The following SPEF2 variants were observed in gnomAD, a reference collection of about 807,000 sequenced individuals.
The protein encoded by SPEF2 is sperm flagella and cilia-associated protein 2.
SPEF2 carries 187 observed loss-of-function variants against 224.6 expected under a neutral mutation model. The observed-to-expected ratio is 0.83, with a 90% CI of 0.74 to 0.94. The LOEUF (loss-of-function observed/expected upper bound fraction) is 0.94, where lower values mean the gene tolerates loss of function less well. Ranked by LOEUF, SPEF2 falls within the 40% of genes least tolerant of loss-of-function variation. The probability of loss-of-function intolerance (pLI) is 0.00; values close to 1 mark genes in which losing one functional copy is unlikely to be tolerated. For synonymous variants in SPEF2, 715 were observed against 707.3 expected, an observed-to-expected ratio of 1.01 and a Z score of -0.17; for missense variants, 2,170 against 2,135.6, an observed-to-expected ratio of 1.02 and a Z score of -0.32.
At chr5:35,797,530 C>A (rs112462989) in intron 33 of SPEF2, among the ~76,000 whole-genome samples, 22 of 152,150 alleles carry the variant, frequency 1.4e-4, no homozygotes. Context: ...CATTACCCAA[C>A]CTCTCTGCGC....
intron 12 of SPEF2, among the ~76,000 whole-genome samples, chr5:35,693,319 C>T (rs1164478160): frequency 6.6e-6 from 1 of 152,162 alleles, no homozygotes; most frequent in Non-Finnish European, 1.5e-5. Context: ...TCTCCAGTCT[C>T]ACAGTGGTCG....
At chr5:35,657,928 G>T (rs1749173738) in intron 7 of SPEF2, among the ~76,000 whole-genome samples, 1 of 152,222 alleles carries the variant, frequency 6.6e-6, no homozygotes, top group Non-Finnish European at 1.5e-5. Flanking sequence ...TTAGCTGTCA[G>T]GTCTTTCCTG....
At chr5:35,779,414 T>C (rs1230639077) in intron 30 of SPEF2, 68 bp downstream of exon 30, 1 of 1,218,094 alleles carries the variant, frequency 8.2e-7, no homozygotes, top group Non-Finnish European at 1.2e-6. Context: ...AGAAATCACT[T>C]GCCAACAAGT....
chr5:35,800,758 TG>T (rs568075956), intron 34 of SPEF2, among the ~76,000 whole-genome samples: 49 of 152,332 alleles, frequency 3.2e-4, no homozygotes, highest in African/African-American at 1.1e-3. Context: ...GTTCTTGGCA[TG>T]GCTTTTGGTT....
intron 19 of SPEF2, 49 bp downstream of exon 19, chr5:35,709,170 C>T (rs373108183): frequency 1.8e-5 from 29 of 1,594,196 alleles, no homozygotes; most frequent in Non-Finnish European, 2.2e-5. Flanking sequence ...CTTATTTTTA[C>T]TCAGTAAAGA....
In SPEF2 at chr5:35,667,282, C is replaced by T. The variant is rs1379916719; in HGVS notation, c.1355+23C>T. ...TAAGTAAGTATTTTTTTTGTAATAA[C>T]AGTAGAGACACGATAGAGAATGAGG... On this transcript the variant is annotated intron_variant, in intron 9 of 36. Coordinates refer to ENST00000356031, the MANE Select transcript of SPEF2 (RefSeq NM_024867.4). 3.9e-6 allele frequency: 6 copies of T among 1,555,084 alleles called. No homozygotes were observed. In the Admixed American group the frequency reaches 7.1e-5, roughly 18 times the overall value.
chr5:35,771,142 T>C (rs980900674), intron 26 of SPEF2, among the ~76,000 whole-genome samples: 3 of 150,796 alleles, frequency 2.0e-5, no homozygotes, highest in African/African-American at 7.4e-5. Flanking sequence ...TAAAATTTTA[T>C]GAATGCAAAT....
intron 21 of SPEF2, among the ~76,000 whole-genome samples, chr5:35,729,880 C>T (rs7704144): frequency 0.05 from 7,545 of 152,128 alleles, 522 homozygotes; most frequent in African/African-American, 0.15. Flanking sequence ...GCCGCTGCCA[C>T]GTAAGAAGTG....
At position 35,740,062 on chromosome 5, in the gene SPEF2, A is replaced by G. The variant is rs753932832; in HGVS notation, c.3191+16A>G. On this transcript the variant is annotated intron_variant, in intron 22 of 36. Coordinates refer to ENST00000356031, the MANE Select transcript of SPEF2 (RefSeq NM_024867.4). ...ATGAGATTAGGTAAGTAATGTTTCC[A>G]AAGTCAGAATTTTACAGTTTAGAGG... The G allele has an allele frequency of 1.9e-6, 3 of 1,614,108 alleles. No individual in the cohort carries two copies. Among genetic ancestry groups the G allele is most frequent in the South Asian group, 1.1e-5 (1 of 91,080 alleles).
chr5:35,637,025 A>G (rs1745930940), intron 2 of SPEF2, among the ~76,000 whole-genome samples: 1 of 151,808 alleles, frequency 6.6e-6, no homozygotes, highest in African/African-American at 2.4e-5. Flanking sequence ...CAACACTCTG[A>G]AGACAGGACT....
chr5:35,638,608 A>C (rs1320469551), intron 2 of SPEF2, among the ~76,000 whole-genome samples: 1 of 152,128 alleles, frequency 6.6e-6, no homozygotes, highest in African/African-American at 2.4e-5. Flanking sequence ...TCTTTGTTCT[A>C]ATAAAACTTT....
intron 29 of SPEF2, among the ~76,000 whole-genome samples, chr5:35,778,649 T>C (rs1372496824): frequency 6.6e-6 from 1 of 152,228 alleles, no homozygotes; most frequent in Non-Finnish European, 1.5e-5. Context: ...GAAAAGCCAC[T>C]CTTCTAGAAA....
rs1755807917 is a variant in SPEF2 at position 35,790,560 on chromosome 5, T to C, written c.4448-1780T>C. On this transcript the variant is annotated intron_variant, in intron 30 of 36. Transcript: ENST00000356031. ...GTAAAAAGCCCAAGATTGTTTCTTC[T>C]ATAGCTTTCTAACTTCACTTATGTA... The C allele has an allele frequency of 7.7e-6, 3 of 389,772 alleles. No homozygotes were observed. In the South Asian group the frequency reaches 3.7e-4, roughly 48 times the overall value. The allele number at this position is 389,772 out of a possible 1,614,324, so 24.1% of individuals were successfully genotyped here. A position where few individuals can be genotyped will look rare whatever the true frequency, so the allele number is the denominator to read the frequency against.
chr5:35,679,871 C>T (rs967565043), intron 10 of SPEF2, among the ~76,000 whole-genome samples: 2 of 152,174 alleles, frequency 1.3e-5, no homozygotes, highest in African/African-American at 2.4e-5. Context: ...CAGATCTCTT[C>T]CCAAACATGA....
intron 7 of SPEF2, among the ~76,000 whole-genome samples, chr5:35,655,682 G>T (rs980124006): frequency 6.6e-6 from 1 of 152,188 alleles, no homozygotes; most frequent in Non-Finnish European, 1.5e-5. Flanking sequence ...GAAGGTGAGT[G>T]TTTCCAGACA....
chr5:35,703,370 T>C (rs1739080214), intron 16 of SPEF2, among the ~76,000 whole-genome samples: 1 of 152,114 alleles, frequency 6.6e-6, no homozygotes, highest in African/African-American at 2.4e-5. Flanking sequence ...AAGCATAAAG[T>C]GAAGTCAGGA....
At chr5:35,777,735 T>C (rs1014943695) in intron 29 of SPEF2, among the ~76,000 whole-genome samples, 3 of 151,642 alleles carry the variant, frequency 2.0e-5, no homozygotes, top group African/African-American at 7.3e-5. Context: ...CCTTTGACCT[T>C]CAAATCCTGT....
intron 30 of SPEF2, chr5:35,788,221 C>A: frequency 1.4e-6 from 1 of 702,920 alleles, no homozygotes. Context: ...GGACCATGAG[C>A]AAAGTAACCC....
intron 12 of SPEF2, among the ~76,000 whole-genome samples, 188 bp from the exon 13 acceptor site, chr5:35,694,100 T>C (rs555526651): frequency 8.5e-5 from 13 of 152,196 alleles, no homozygotes; most frequent in Non-Finnish European, 1.8e-4. Context: ...GCAATTATCA[T>C]CCAATATTGT....
Sources: allele counts gnomAD v4.1 joint callset (sites outside exome capture counted in the v4.1 genomes callset), GRCh38; gene constraint gnomAD v4.1.1; transcripts MANE v1.5; gene names NCBI Gene and HGNC (gene_info 2026-07-23, HGNC 2026-07-21).